SHANK2: variants seen among roughly 807,000 people sequenced by gnomAD.
SHANK2 encodes the protein SH3 and multiple ankyrin repeat domains protein 2.
SHANK2 carries 43 observed loss-of-function variants against 133.7 expected under a neutral mutation model. That is an observed-to-expected ratio of 0.32 (90% CI 0.25 to 0.41). SHANK2 has a LOEUF of 0.41. Among genes scored for constraint, SHANK2 ranks in the 10% least tolerant of loss-of-function variants. The pLI is 1.00. For synonymous variants in SHANK2, 1,017 were observed against 952.8 expected (o/e 1.07, Z -1.24); for missense variants, 1,994 against 2,235.8 (o/e 0.89, Z 2.18).
intron 17 of SHANK2, among the ~76,000 whole-genome samples, chr11:70,597,035 C>T (rs950352638): frequency 2.0e-5 from 3 of 152,134 alleles, no homozygotes; most frequent in African/African-American, 4.8e-5. Context: ...GTTTTGCAAG[C>T]GCAGACATCC....
intron 10 of SHANK2, chr11:70,907,626 G>C (rs1950126174): frequency 4.9e-6 from 1 of 203,642 alleles, no homozygotes; most frequent in African/African-American, 2.4e-5. Flanking sequence ...ATATATTAAG[G>C]AGATGATATC....
In SHANK2 at chr11:71,092,667, AC is replaced by A. The variant is rs1332489651; in HGVS notation, c.745-79del. 30 of 1,419,660 alleles carry A rather than the reference AC, an allele frequency of 2.1e-5. No homozygotes were observed. The South Asian group carries it at 3.0e-4, about 14-fold the overall frequency. 87.9% of individuals were successfully genotyped at this position (1,419,660 alleles called of 1,614,324 possible). On this transcript the variant is annotated intron_variant, in intron 7 of 25. Coordinates refer to ENST00000601538, the MANE Select transcript of SHANK2 (RefSeq NM_012309.5). ...AGAGTGAGGTGATCCAGAAAGCAGC[AC>A]CAGGACCACCCTCCCCCAGGTCAAG...
intron 10 of SHANK2, among the ~76,000 whole-genome samples, chr11:70,935,034 C>T (rs1276024053): frequency 6.6e-6 from 1 of 152,180 alleles, no homozygotes; most frequent in Non-Finnish European, 1.5e-5. Context: ...CAGGAGCCCT[C>T]CTTACCTGCG....
chr11:70,865,435 T>C (rs1050854075), intron 11 of SHANK2, among the ~76,000 whole-genome samples: 1 of 152,128 alleles, frequency 6.6e-6, no homozygotes, highest in Non-Finnish European at 1.5e-5. Flanking sequence ...AAGAATACAA[T>C]GGGCCCAGGA....
intron 17 of SHANK2, among the ~76,000 whole-genome samples, chr11:70,647,059 T>C (rs561750912): frequency 2.0e-5 from 3 of 151,720 alleles, no homozygotes; most frequent in Non-Finnish European, 4.4e-5. Flanking sequence ...GAGATAGGGG[T>C]TTCACCACGT....
chr11:70,639,783 G>C (rs2061152742), intron 17 of SHANK2, among the ~76,000 whole-genome samples: 1 of 152,092 alleles, frequency 6.6e-6, no homozygotes, highest in South Asian at 2.1e-4. Context: ...GTGGGTTCTG[G>C]CCTCCAGGGC....
intron 17 of SHANK2, among the ~76,000 whole-genome samples, chr11:70,617,940 T>G (rs1339807366): frequency 6.6e-6 from 1 of 152,104 alleles, no homozygotes; most frequent in East Asian, 1.9e-4. Flanking sequence ...GATACATATG[T>G]AACAAACCTG....
chr11:70,896,150 C>A (rs1303170236), intron 11 of SHANK2, among the ~76,000 whole-genome samples: 3 of 152,084 alleles, frequency 2.0e-5, no homozygotes, highest in African/African-American at 7.2e-5. Context: ...TAGAGCCAAC[C>A]CTTAGCATAA....
At chr11:71,123,728 T>C (rs1555101992) in intron 3 of SHANK2, among the ~76,000 whole-genome samples, 5 of 152,108 alleles carry the variant, frequency 3.3e-5, no homozygotes. Context: ...TCTGAGTGAG[T>C]GAGTGATTTG....
intron 8 of SHANK2, among the ~76,000 whole-genome samples, chr11:71,088,518 A>G (rs1014284081): frequency 2.0e-5 from 3 of 150,916 alleles, no homozygotes; most frequent in Admixed American, 6.6e-5. Context: ...GACGTCCCCA[A>G]CGTCCATGTC....
Position 70,485,614 on chromosome 11 carries a change from T to C in SHANK2, c.4679A>G (p.Asn1560Ser). 1 of 1,614,032 alleles carries C rather than the reference T, an allele frequency of 6.2e-7. No homozygotes were observed. The highest frequency in any genetic ancestry group is 1.1e-5 in the South Asian group (1 of 91,076). The change falls in exon 25 of 26, where the codon AAT becomes AGT. Residue 1560 changes from asparagine (N) to serine (S), a missense_variant. Physicochemically the swap from Asn to Ser is conservative, Grantham distance 46. Transcript: ENST00000601538. The surrounding 1 kb of genome is among the most constrained non-coding windows in gnomAD (Gnocchi z 5.8). ...PKMKPIIHKSNALYQDALVEE... is the reference protein window; with the variant it reads ...PKMKPIIHKSSALYQDALVEE... ...CACGAGCGCGTCTTGATAAAGTGCA[T>C]TGCTTTTGTGAATGATGGGCTTCAT...
intron 17 of SHANK2, among the ~76,000 whole-genome samples, chr11:70,571,990 C>T (rs988231277): frequency 2.6e-5 from 4 of 152,120 alleles, no homozygotes; most frequent in East Asian, 1.9e-4. Context: ...GTGATGGGAT[C>T]GGTAGCCTTA....
chr11:71,111,033 C>T (rs1555099106), intron 5 of SHANK2, among the ~76,000 whole-genome samples: 1 of 152,230 alleles, frequency 6.6e-6, no homozygotes, highest in East Asian at 1.9e-4. Flanking sequence ...GGAACTGGGC[C>T]TTGGCCAGAT....
At chr11:70,947,132 AACACACACAC>A (rs144004521) in intron 10 of SHANK2, among the ~76,000 whole-genome samples, 14,148 of 126,390 alleles carry the variant, frequency 0.11, 855 homozygotes, top group African/African-American at 0.19. Flanking sequence ...GCACCTCTCC[AACACACACAC>A]ACACACACAC....
intron 14 of SHANK2, among the ~76,000 whole-genome samples, chr11:70,713,446 C>T (rs1030839881): frequency 1.3e-5 from 2 of 152,224 alleles, no homozygotes; most frequent in East Asian, 3.9e-4. Flanking sequence ...ACAGAACCCC[C>T]GTAGCAGCAG....
intron 14 of SHANK2, among the ~76,000 whole-genome samples, chr11:70,736,352 G>A (rs916088306): frequency 6.6e-6 from 1 of 152,194 alleles, no homozygotes; most frequent in South Asian, 2.1e-4. Flanking sequence ...ACCCACGAGT[G>A]TGACCTGATT....
At chr11:70,662,494 G>A (rs1277653296) in intron 15 of SHANK2, among the ~76,000 whole-genome samples, 1 of 152,196 alleles carries the variant, frequency 6.6e-6, no homozygotes, top group East Asian at 1.9e-4. Context: ...AGCCTTGGAA[G>A]GTGGCCGGTG....
rs940088642 is a variant in SHANK2 at position 71,175,828 on chromosome 11, G to A, written c.-12-28490C>T. Among the ~76,000 whole-genome samples, 6 of 152,228 alleles carry A rather than the reference G, an allele frequency of 3.9e-5. No homozygotes were observed. The highest frequency in any genetic ancestry group is 8.8e-5 in the Non-Finnish European group (6 of 68,048). ...CTCCTCAGGGTTTCCAGACCATGCTGCAAGCAAGGACCACCCAGGCAAACT... is the reference window on the plus strand; with the variant it reads ...CTCCTCAGGGTTTCCAGACCATGCTACAAGCAAGGACCACCCAGGCAAACT... On this transcript the variant is annotated intron_variant, in intron 2 of 25. Transcript: ENST00000601538. The surrounding 1 kb of genome is among the most constrained non-coding windows in gnomAD (Gnocchi z 4.2).
At chr11:71,250,867 A>G (rs374934743) in intron 1 of SHANK2, among the ~76,000 whole-genome samples, 18 of 152,076 alleles carry the variant, frequency 1.2e-4, no homozygotes, top group African/African-American at 4.1e-4. Flanking sequence ...GCCCTCCCCC[A>G]CCGGGGGACT....
Sources: gnomAD v4.1 joint callset for allele counts (sites outside exome capture counted in the v4.1 genomes callset) on GRCh38, gnomAD v4.1.1 for gene constraint, Gnocchi (gnomAD v3.1) non-coding constraint, MANE v1.5 for transcripts, NCBI Gene and HGNC (gene_info 2026-07-23, HGNC 2026-07-21) for gene names.